The following RALGPS2 variants were observed in gnomAD, a reference collection of about 807,000 sequenced individuals.
RALGPS2 encodes the protein ras-specific guanine nucleotide-releasing factor RalGPS2.
In RALGPS2, 43 loss-of-function variants were observed where a neutral mutation model predicts 86.8. The ratio of observed to expected loss-of-function variants is 0.50; its 90% confidence interval spans 0.39 to 0.64. RALGPS2 has a LOEUF of 0.64. RALGPS2 is among the 30% of genes least tolerant of loss of function. RALGPS2 has a pLI of 0.00. For synonymous variants in RALGPS2, 243 were observed against 231.3 expected, an observed-to-expected ratio of 1.05 and a Z score of -0.46; for missense variants, 536 against 694.6, an observed-to-expected ratio of 0.77 and a Z score of 2.57.
At chr1:178,784,164 G>A (rs1043366204) in intron 2 of RALGPS2, among the ~76,000 whole-genome samples, 3 of 152,056 alleles carry the variant, frequency 2.0e-5, no homozygotes, top group Admixed American at 2.0e-4. Flanking sequence ...ATGATAGGTT[G>A]TCAGGATGAG....
chr1:178,874,550 G>C (rs1658913840), intron 8 of RALGPS2, among the ~76,000 whole-genome samples: 1 of 152,112 alleles, frequency 6.6e-6, no homozygotes, highest in South Asian at 2.1e-4. Flanking sequence ...AGCTTTCTCT[G>C]ATCCCATCAG....
chr1:178,863,959 C>A (rs1008768776), intron 8 of RALGPS2, among the ~76,000 whole-genome samples: 4 of 152,144 alleles, frequency 2.6e-5, no homozygotes, highest in African/African-American at 9.6e-5. Flanking sequence ...TATGTCCTGC[C>A]TTTTCAATAA....
At chr1:178,761,369 C>T (rs1340772390) in intron 1 of RALGPS2, among the ~76,000 whole-genome samples, 1 of 151,012 alleles carries the variant, frequency 6.6e-6, no homozygotes, top group East Asian at 2.0e-4. Flanking sequence ...GCAGAGCTTG[C>T]AGTGAGCGGA....
At chr1:178,849,133 T>C (rs1657022977) in intron 8 of RALGPS2, among the ~76,000 whole-genome samples, 1 of 152,202 alleles carries the variant, frequency 6.6e-6, no homozygotes, top group South Asian at 2.1e-4. Context: ...TAGATATTCT[T>C]ATTATACCCC....
intron 5 of RALGPS2, among the ~76,000 whole-genome samples, chr1:178,810,994 A>G (rs989204696): frequency 5.9e-5 from 9 of 152,042 alleles, no homozygotes; most frequent in Admixed American, 1.3e-4. Flanking sequence ...TTAAATCAAG[A>G]TGGTTTTATT....
At chr1:178,759,768 T>G (rs1483020717) in intron 1 of RALGPS2, among the ~76,000 whole-genome samples, 1 of 152,112 alleles carries the variant, frequency 6.6e-6, no homozygotes, top group Non-Finnish European at 1.5e-5. Context: ...CTTTCATCAG[T>G]GTTTTATAAT....
At chr1:178,840,717 T>A (rs1351742475) in intron 8 of RALGPS2, among the ~76,000 whole-genome samples, 1 of 151,106 alleles carries the variant, frequency 6.6e-6, no homozygotes, top group Admixed American at 6.6e-5. Flanking sequence ...GGAGCTGGTG[T>A]TTTTTTAAAA....
intron 7 of RALGPS2, among the ~76,000 whole-genome samples, chr1:178,825,808 T>C (rs1655718636): frequency 6.6e-6 from 1 of 152,198 alleles, no homozygotes; most frequent in African/African-American, 2.4e-5. Context: ...GGCTATCATA[T>C]TGGACAGCAC....
chr1:178,877,687 A>G, intron 9 of RALGPS2, 52 bp downstream of exon 9: 1 of 1,588,664 alleles, frequency 6.3e-7, no homozygotes, highest in Non-Finnish European at 8.6e-7. Flanking sequence ...TAATCCAGTG[A>G]TTTATTTACA....
intron 1 of RALGPS2, among the ~76,000 whole-genome samples, chr1:178,732,406 C>T (rs1459858564): frequency 1.3e-5 from 2 of 152,230 alleles, no homozygotes; most frequent in East Asian, 3.9e-4. Context: ...TCAGGTGGTT[C>T]TCCTGCCTCA....
intron 8 of RALGPS2, among the ~76,000 whole-genome samples, chr1:178,848,693 C>G (rs780420914): frequency 1.3e-5 from 2 of 152,156 alleles, no homozygotes; most frequent in Non-Finnish European, 2.9e-5. Context: ...AACTCTGTCC[C>G]CCAGGCTCGA....
intron 1 of RALGPS2, chr1:178,747,075 G>C (rs1350187570): frequency 1.2e-6 from 1 of 865,196 alleles, no homozygotes; most frequent in African/African-American, 1.6e-5. Flanking sequence ...TCTGAGATAA[G>C]ACCCATTTGG....
chr1:178,814,523 CCTT>C (rs1655137898), intron 6 of RALGPS2, among the ~76,000 whole-genome samples: 1 of 152,176 alleles, frequency 6.6e-6, no homozygotes, highest in South Asian at 2.1e-4. Context: ...GCATCCTTGA[CCTT>C]CTGGGCCCAG....
intron 1 of RALGPS2, among the ~76,000 whole-genome samples, chr1:178,738,175 TCA>T (rs144413265): frequency 0.15 from 22,307 of 150,152 alleles, 1,958 homozygotes; most frequent in East Asian, 0.31. Context: ...TCAAAAATTA[TCA>T]GTTTTATTTT....
At chr1:178,907,083 A>G (rs1660416875) in intron 19 of RALGPS2, among the ~76,000 whole-genome samples, 1 of 152,368 alleles carries the variant, frequency 6.6e-6, no homozygotes, top group African/African-American at 2.4e-5. Context: ...AACAGTCAGA[A>G]CTATATAAAG....
intron 1 of RALGPS2, among the ~76,000 whole-genome samples, chr1:178,740,564 A>G (rs80113628): frequency 0.037 from 5,679 of 152,292 alleles, 123 homozygotes; most frequent in Middle Eastern, 0.058. Context: ...AGCAGAAGCT[A>G]TGAATTACAG....
intron 8 of RALGPS2, among the ~76,000 whole-genome samples, chr1:178,868,372 C>T (rs924451977): frequency 6.6e-5 from 10 of 151,904 alleles, no homozygotes. Context: ...TAACTTACCA[C>T]TGCTAAAGTC....
intron 1 of RALGPS2, among the ~76,000 whole-genome samples, chr1:178,727,140 G>A (rs566081570): frequency 2.4e-4 from 37 of 152,230 alleles, no homozygotes; most frequent in African/African-American, 8.4e-4. Context: ...CAATTTCAGT[G>A]TATTTATTTT....
At chr1:178,835,193 G>A (rs763312876) in intron 8 of RALGPS2, among the ~76,000 whole-genome samples, 10 of 152,172 alleles carry the variant, frequency 6.6e-5, no homozygotes, top group Non-Finnish European at 8.8e-5. Flanking sequence ...AGAAGAATGT[G>A]TACTTTTTAT....
Sources: allele counts gnomAD v4.1 joint callset (sites outside exome capture counted in the v4.1 genomes callset), GRCh38; gene constraint gnomAD v4.1.1; transcripts MANE v1.5; gene names NCBI Gene and HGNC (gene_info 2026-07-23, HGNC 2026-07-21).